APBB1IP: variants seen among roughly 807,000 people sequenced by gnomAD.
The protein encoded by APBB1IP is amyloid beta A4 precursor protein-binding family B member 1-interacting protein.
In APBB1IP, 27 loss-of-function variants were observed where a neutral mutation model predicts 64.9. That is an observed-to-expected ratio of 0.42 (90% CI 0.31 to 0.57). APBB1IP has a LOEUF of 0.57. Among genes scored for constraint, APBB1IP ranks in the 20% least tolerant of loss-of-function variants. The pLI is 0.20. For synonymous variants in APBB1IP, 392 were observed against 331.0 expected (o/e 1.18, Z -2.00); for missense variants, 812 against 845.5 (o/e 0.96, Z 0.49).
chr10:26,476,062 C>CT (rs1222190976), intron 2 of APBB1IP, among the ~76,000 whole-genome samples: 17,440 of 140,084 alleles, frequency 0.12, 1,340 homozygotes, highest in Admixed American at 0.19. Context: ...TTTATAAAAA[C>CT]TTTTTTTTTT....
intron 8 of APBB1IP, among the ~76,000 whole-genome samples, chr10:26,523,613 T>C (rs971093229): frequency 1.3e-5 from 2 of 152,014 alleles, no homozygotes; most frequent in Non-Finnish European, 2.9e-5. Context: ...TTGCACAGCA[T>C]GCTCTTGGAG....
intron 11 of APBB1IP, among the ~76,000 whole-genome samples, chr10:26,546,023 GC>G (rs1338506285): frequency 1.3e-5 from 2 of 152,166 alleles, no homozygotes; most frequent in African/African-American, 4.8e-5. Flanking sequence ...TTCAATATGA[GC>G]TTGATGACTA....
rs539133573 is a variant in APBB1IP, at chr10:26,488,740, A to G, written c.1-3587A>G. 2.6e-5 allele frequency among the ~76,000 whole-genome samples: 4 copies of G among 152,342 alleles called. No homozygotes were observed. The South Asian group carries it at 8.3e-4, about 32-fold the overall frequency. Reference sequence around the variant, plus strand: ...ACACAAAATAGGACAAGGATCTTCCATCATCCGTCACTGATGCTGTGTTTG... The same window carrying G: ...ACACAAAATAGGACAAGGATCTTCCGTCATCCGTCACTGATGCTGTGTTTG... On this transcript the variant is annotated intron_variant, in intron 2 of 14. Coordinates refer to ENST00000376236, the MANE Select transcript of APBB1IP (RefSeq NM_019043.4).
chr10:26,506,495 A>G (rs558592570), intron 6 of APBB1IP, among the ~76,000 whole-genome samples: 5 of 152,172 alleles, frequency 3.3e-5, no homozygotes, highest in African/African-American at 7.2e-5. Flanking sequence ...CAATCCTCCC[A>G]CTTCAGCCTG....
At chr10:26,549,303 A>G (rs1588615695) in intron 11 of APBB1IP, among the ~76,000 whole-genome samples, 2 of 152,048 alleles carry the variant, frequency 1.3e-5, no homozygotes, top group East Asian at 1.9e-4. Flanking sequence ...TGTTGTGTCC[A>G]TGTTTGGTTT....
chr10:26,489,167 A>G (rs1835926779), intron 2 of APBB1IP, among the ~76,000 whole-genome samples: 1 of 152,168 alleles, frequency 6.6e-6, no homozygotes, highest in South Asian at 2.1e-4. Context: ...CCAAAATAAA[A>G]CATGCAAAAC....
chr10:26,469,786 C>T (rs1835694719), intron 2 of APBB1IP, among the ~76,000 whole-genome samples: 1 of 152,158 alleles, frequency 6.6e-6, no homozygotes, highest in African/African-American at 2.4e-5. Flanking sequence ...CTCTAGTGGT[C>T]CCCAAAGTCT....
At chr10:26,494,406 T>C (rs1474401341) in intron 3 of APBB1IP, among the ~76,000 whole-genome samples, 1 of 152,244 alleles carries the variant, frequency 6.6e-6, no homozygotes, top group East Asian at 1.9e-4. Context: ...CTCATCACTT[T>C]TCTGCATAAA....
chr10:26,552,788 C>T (rs1836848228), intron 11 of APBB1IP, among the ~76,000 whole-genome samples: 1 of 152,184 alleles, frequency 6.6e-6, no homozygotes, highest in South Asian at 2.1e-4. Context: ...CCAACGTGGC[C>T]TCTGGAACCA....
chr10:26,502,574 G>A (rs748670136), intron 5 of APBB1IP, among the ~76,000 whole-genome samples: 5 of 151,794 alleles, frequency 3.3e-5, no homozygotes, highest in South Asian at 2.1e-4. Flanking sequence ...CCCAGGAGGC[G>A]GAGCTTGTAG....
intron 2 of APBB1IP, among the ~76,000 whole-genome samples, chr10:26,472,129 A>G (rs1028419586): frequency 6.6e-6 from 1 of 152,068 alleles, no homozygotes; most frequent in Admixed American, 6.6e-5. Context: ...AAAATCCCTC[A>G]CCCCACAGAA....
chr10:26,533,523 G>A lies in APBB1IP; in HGVS notation c.898G>A (p.Glu300Lys), dbSNP rs867311756. Residue 300 changes from glutamate (E) to lysine (K), a missense_variant and splice_region_variant, in exon 9 of 15, where the codon GAG becomes AAG. Physicochemically the swap from Glu to Lys is moderately conservative, Grantham distance 56. Around this residue, in one of 3 missense-constraint regions of APBB1IP, gnomAD observed 394 missense variants for 413.1 expected, o/e 0.95. Coordinates refer to ENST00000376236, the MANE Select transcript of APBB1IP (RefSeq NM_019043.4). ...TGCTAAGAACAAGGAATCCTTACTT[G>A]AGGTAAGGTTAATTTTGCAGAGTGG... Reference protein sequence around the residue: ...MNAKNKESLLEESFCGTSIIV... With the variant: ...MNAKNKESLLKESFCGTSIIV... 6.3e-7 allele frequency: 1 copy of A among 1,593,396 alleles called. No homozygotes were observed. Among genetic ancestry groups the A allele is most frequent in the Non-Finnish European group, 8.5e-7 (1 of 1,170,824 alleles).
intron 11 of APBB1IP, among the ~76,000 whole-genome samples, chr10:26,548,895 A>T (rs1429336570): frequency 6.6e-6 from 1 of 152,200 alleles, no homozygotes; most frequent in Non-Finnish European, 1.5e-5. Context: ...AGTAGCAGTG[A>T]AAGTGGGCAT....
intron 6 of APBB1IP, among the ~76,000 whole-genome samples, chr10:26,508,032 A>G (rs1383709037): frequency 6.6e-6 from 1 of 152,244 alleles, no homozygotes; most frequent in African/African-American, 2.4e-5. Flanking sequence ...AGAAAAGAAA[A>G]TTACGAAGAC....
At chr10:26,555,787 C>G (rs1349097402) in intron 11 of APBB1IP, among the ~76,000 whole-genome samples, 1 of 152,130 alleles carries the variant, frequency 6.6e-6, no homozygotes, top group Non-Finnish European at 1.5e-5. Context: ...TTTGTAGAGA[C>G]AAGGTTTCAC....
At chr10:26,543,702 C>T (rs1162138876) in intron 11 of APBB1IP, among the ~76,000 whole-genome samples, 1 of 152,060 alleles carries the variant, frequency 6.6e-6, no homozygotes, top group Non-Finnish European at 1.5e-5. Context: ...CAAGTAGTAA[C>T]AAGGAGCAAT....
chr10:26,543,176 T>C (rs981738591), intron 11 of APBB1IP, among the ~76,000 whole-genome samples: 1 of 151,692 alleles, frequency 6.6e-6, no homozygotes, highest in Non-Finnish European at 1.5e-5. Flanking sequence ...TTAATGTTTG[T>C]TGAATGACGG....
At chr10:26,496,223 G>A in intron 3 of APBB1IP, 81 bp from the exon 4 acceptor site, 2 of 1,036,344 alleles carry the variant, frequency 1.9e-6, no homozygotes, top group South Asian at 1.4e-5. Flanking sequence ...AATGATACAT[G>A]GTTTTTGACT....
chr10:26,493,592 A>G (rs560656980), intron 3 of APBB1IP, among the ~76,000 whole-genome samples: 9 of 152,318 alleles, frequency 5.9e-5, no homozygotes, highest in Admixed American at 5.9e-4. Flanking sequence ...AAGATTGGCA[A>G]CATTATATAG....
Sources: gnomAD v4.1 joint callset for allele counts (sites outside exome capture counted in the v4.1 genomes callset) on GRCh38, gnomAD v4.1.1 for gene constraint, gnomAD v4.1.1 regional missense constraint, MANE v1.5 for transcripts, NCBI Gene and HGNC (gene_info 2026-07-23, HGNC 2026-07-21) for gene names.